CYLC2: variants seen among roughly 807,000 people sequenced by gnomAD.
The protein encoded by CYLC2 is cylicin 2.
CYLC2 carries 30 observed loss-of-function variants against 26.1 expected under a neutral mutation model. That is an observed-to-expected ratio of 1.15 (90% confidence interval 0.86 to 1.56). The LOEUF (loss-of-function observed/expected upper bound fraction) is 1.56, where lower values mean the gene tolerates loss of function less well. Ranked by LOEUF, CYLC2 falls within the 40% of genes most tolerant of loss-of-function variation. CYLC2 has a pLI of 0.00. For synonymous variants in CYLC2, 158 were observed against 132.8 expected, an observed-to-expected ratio of 1.19 and a Z score of -1.31; for missense variants, 498 against 394.4, an observed-to-expected ratio of 1.26 and a Z score of -2.23.
chr9:103,015,085 ATAACAT>A (rs1829482467), intron 6 of CYLC2, among the ~76,000 whole-genome samples: 2 of 88,230 alleles, frequency 2.3e-5, no homozygotes, highest in East Asian at 7.2e-4. Flanking sequence ...TGTAATATAC[ATAACAT>A]GTATATCACG....
intron 6 of CYLC2, among the ~76,000 whole-genome samples, chr9:103,014,462 A>G (rs974163844): frequency 3.7e-5 from 5 of 136,032 alleles, no homozygotes; most frequent in Admixed American, 7.9e-5. Context: ...AATGTATATT[A>G]CGTAATATAC....
rs779681639 is a variant in CYLC2, at chr9:103,001,571, T to C, written c.18-7T>C. 5.3e-6 allele frequency: 8 copies of C among 1,518,808 alleles called. No homozygotes were observed. The highest frequency in any genetic ancestry group is 1.8e-5 in the Admixed American group (1 of 54,804). 94.1% of individuals were successfully genotyped at this position (1,518,808 alleles called of 1,614,324 possible). On this transcript the variant is annotated splice_polypyrimidine_tract_variant and splice_region_variant and intron_variant, in intron 1 of 7. Transcript: ENST00000374798. ...TTAACTAAAACCTTTCTTTTTTGTT[T>C]TAATAGCCAAAGAGTAAACTTTGGG...
chr9:102,995,498 T>C, intron 1 of CYLC2, 101 bp downstream of exon 1: 1 of 868,838 alleles, frequency 1.2e-6, no homozygotes, highest in Non-Finnish European at 1.9e-6. Context: ...TATGATGCCA[T>C]TCATAAGCAA....
At chr9:103,008,166 C>T (rs1350369502) in intron 5 of CYLC2, among the ~76,000 whole-genome samples, 2 of 151,156 alleles carry the variant, frequency 1.3e-5, no homozygotes, top group African/African-American at 2.4e-5. Flanking sequence ...TAAAAAGGCC[C>T]TTAAAATTAT....
chr9:103,013,701 C>A (rs1324255275), intron 6 of CYLC2, among the ~76,000 whole-genome samples: 1 of 104,840 alleles, frequency 9.5e-6, no homozygotes, highest in African/African-American at 3.9e-5. Flanking sequence ...ATATCCTGTA[C>A]ATTATATATT....
At chr9:103,017,308 T>C (rs1011334865) in intron 7 of CYLC2, among the ~76,000 whole-genome samples, 1 of 151,932 alleles carries the variant, frequency 6.6e-6, no homozygotes, top group Non-Finnish European at 1.5e-5. Flanking sequence ...AGTTGGAAAA[T>C]ATTAAAGTTC....
At chr9:102,998,326 A>C (rs533838513) in intron 1 of CYLC2, among the ~76,000 whole-genome samples, 1 of 151,970 alleles carries the variant, frequency 6.6e-6, no homozygotes, top group African/African-American at 2.4e-5. Context: ...AATTGTGAAA[A>C]TACATTTACA....
intron 6 of CYLC2, among the ~76,000 whole-genome samples, chr9:103,014,106 A>G (rs1829456873): frequency 8.5e-6 from 1 of 117,362 alleles, no homozygotes; most frequent in South Asian, 2.6e-4. Flanking sequence ...AATTAAATAT[A>G]ATAAATATAT....
In CYLC2 at chr9:103,005,966, AAAG is replaced by A. The variant is rs139792409; in HGVS notation, c.*294_*296del. 2,194 of 317,676 alleles carry A rather than the reference AAAG, an allele frequency of 6.9e-3. 41 individuals carry two copies. Among genetic ancestry groups the A allele is most frequent in the African/African-American group, 0.043 (1,978 of 46,236 alleles). The allele number at this position is 317,676 out of a possible 1,614,324, so 19.7% of individuals were successfully genotyped here. On this transcript the variant is annotated 3_prime_UTR_variant, in exon 5 of 8. Transcript: ENST00000374798. ...CAATGAATGATCTCTAGAAAGATTT[AAAG>A]AAGAATATTCAGATAAGGATGTTGA...
At chr9:102,997,132 G>A (rs747478143) in intron 1 of CYLC2, among the ~76,000 whole-genome samples, 1 of 151,808 alleles carries the variant, frequency 6.6e-6, no homozygotes, top group Non-Finnish European at 1.5e-5. Context: ...ATGTAGACAA[G>A]GTTTTATAAA....
chr9:103,016,368 G>A (rs193256082), intron 6 of CYLC2, among the ~76,000 whole-genome samples: 1 of 151,984 alleles, frequency 6.6e-6, no homozygotes, highest in East Asian at 1.9e-4. Context: ...CTCTGGGACA[G>A]CTTTTCTCTC....
At chr9:103,013,406 T>A (rs1372666560) in intron 6 of CYLC2, among the ~76,000 whole-genome samples, 2 of 104,722 alleles carry the variant, frequency 1.9e-5, no homozygotes, top group Admixed American at 1.3e-4. Context: ...TATAAATATA[T>A]ATTTAATATA....
intron 5 of CYLC2, among the ~76,000 whole-genome samples, chr9:103,011,311 G>C (rs139760660): frequency 1.5e-4 from 23 of 152,130 alleles, no homozygotes; most frequent in African/African-American, 4.6e-4. Context: ...TTAACTTTTA[G>C]TGTAACTTTA....
chr9:103,001,872 A>G (rs544273587), intron 2 of CYLC2, among the ~76,000 whole-genome samples: 2 of 152,304 alleles, frequency 1.3e-5, no homozygotes, highest in South Asian at 4.1e-4. Context: ...GAAGTCATAC[A>G]ATCAGATAAT....
intron 1 of CYLC2, among the ~76,000 whole-genome samples, chr9:102,997,767 T>C (rs1158458359): frequency 6.6e-6 from 1 of 151,946 alleles, no homozygotes; most frequent in African/African-American, 2.4e-5. Flanking sequence ...TAAGCAGAGA[T>C]ACAGTTACAG....
At chr9:103,010,500 G>C (rs894134217) in intron 5 of CYLC2, among the ~76,000 whole-genome samples, 1 of 152,040 alleles carries the variant, frequency 6.6e-6, no homozygotes, top group African/African-American at 2.4e-5. Context: ...TGCACAGAGA[G>C]TGCAAAACCA....
chr9:102,998,686 C>A (rs1315416125), intron 1 of CYLC2, among the ~76,000 whole-genome samples: 2 of 151,900 alleles, frequency 1.3e-5, no homozygotes, highest in African/African-American at 4.8e-5. Context: ...ATTGAACTGT[C>A]ACTAACTCTA....
chr9:103,018,030 C>CA (rs1829524458), intron 7 of CYLC2, among the ~76,000 whole-genome samples: 1 of 151,924 alleles, frequency 6.6e-6, no homozygotes, highest in Non-Finnish European at 1.5e-5. Flanking sequence ...GTTAAGACTT[C>CA]AACATGTAAA....
At chr9:103,014,440 CATAATATACATAAT>C (rs1829465009) in intron 6 of CYLC2, among the ~76,000 whole-genome samples, 1 of 92,218 alleles carries the variant, frequency 1.1e-5, no homozygotes, top group Non-Finnish European at 2.3e-5. Flanking sequence ...ATGTATATTA[CATAATATACATAAT>C]GTATATTACG....
Sources: gnomAD v4.1 joint callset for allele counts (sites outside exome capture counted in the v4.1 genomes callset) on GRCh38, gnomAD v4.1.1 for gene constraint, MANE v1.5 for transcripts, NCBI Gene and HGNC (gene_info 2026-07-23, HGNC 2026-07-21) for gene names.